MYH10: variants seen among roughly 807,000 people sequenced by gnomAD.
The protein encoded by MYH10 is myosin heavy chain 10.
MYH10 carries 55 observed loss-of-function variants against 257.8 expected under a neutral mutation model. The observed-to-expected ratio is 0.21, with a 90% CI of 0.17 to 0.27. The LOEUF is 0.27. MYH10 is among the 10% of genes least tolerant of loss of function. The probability of loss-of-function intolerance (pLI) is 1.00; values close to 1 mark genes in which losing one functional copy is unlikely to be tolerated. For missense variants in MYH10, 1,631 were observed against 2,500.6 expected, an observed-to-expected ratio of 0.65 and a Z score of 7.42; for synonymous variants, 854 against 921.7, an observed-to-expected ratio of 0.93 and a Z score of 1.33.
intron 24 of MYH10, 109 bp downstream of exon 24, chr17:8,512,342 C>A: frequency 2.4e-6 from 2 of 820,418 alleles, no homozygotes; most frequent in Non-Finnish European, 1.9e-6. Context: ...AACCCAGAAC[C>A]CTTTTGCTTC....
At chr17:8,508,450 T>C in intron 26 of MYH10, 104 bp downstream of exon 26, 1 of 1,488,788 alleles carries the variant, frequency 6.7e-7, no homozygotes, top group Non-Finnish European at 9.2e-7. Context: ...TCCTTATTAT[T>C]AGTAATCATC....
intron 17 of MYH10, among the ~76,000 whole-genome samples, chr17:8,526,452 G>A (rs2081849373): frequency 6.6e-6 from 1 of 152,152 alleles, no homozygotes; most frequent in African/African-American, 2.4e-5. Flanking sequence ...TCTTCTATCT[G>A]AGATGTCAGG....
chr17:8,493,927 T>C, intron 31 of MYH10, 42 bp from the exon 32 acceptor site: 1 of 1,572,522 alleles, frequency 6.4e-7, no homozygotes, highest in Admixed American at 1.9e-5. Flanking sequence ...ATTACATTTA[T>C]CACCAAAACA....
At chr17:8,526,810 G>A (rs956568878) in intron 17 of MYH10, among the ~76,000 whole-genome samples, 1 of 152,150 alleles carries the variant, frequency 6.6e-6, no homozygotes, top group Admixed American at 6.5e-5. Context: ...CAAAATACTA[G>A]TGTTACTAAA....
chr17:8,519,001 G>T, intron 19 of MYH10, 51 bp from the exon 20 acceptor site: 1 of 1,392,546 alleles, frequency 7.2e-7, no homozygotes, highest in Non-Finnish European at 1.0e-6. Context: ...TGAACGATGT[G>T]TATCTACTAA....
intron 36 of MYH10, among the ~76,000 whole-genome samples, chr17:8,484,514 G>A (rs1914428924): frequency 1.3e-5 from 2 of 152,156 alleles, no homozygotes; most frequent in South Asian, 4.1e-4. Flanking sequence ...ATATGGGAAT[G>A]ACAAGGATAT....
chr17:8,560,569 G>A, intron 7 of MYH10: 2 of 805,178 alleles, frequency 2.5e-6, no homozygotes, highest in Non-Finnish European at 4.0e-6. Context: ...TCCAAAAACA[G>A]TGGAAAACTT....
intron 2 of MYH10, among the ~76,000 whole-genome samples, chr17:8,607,841 G>A (rs1381319024): frequency 1.3e-5 from 2 of 152,042 alleles, no homozygotes; most frequent in Non-Finnish European, 2.9e-5. Flanking sequence ...AAGATGAACT[G>A]GTATTATAAA....
At chr17:8,626,795 T>C (rs1363643992) in intron 1 of MYH10, among the ~76,000 whole-genome samples, 1 of 152,028 alleles carries the variant, frequency 6.6e-6, no homozygotes, top group Non-Finnish European at 1.5e-5. Flanking sequence ...TCTTATCAGG[T>C]GTAAACTGCA....
intron 7 of MYH10, chr17:8,561,010 G>A (rs1244203949): frequency 1.9e-6 from 1 of 537,372 alleles, no homozygotes; most frequent in East Asian, 3.4e-5. Context: ...CATTCTTTCT[G>A]TAGCTCAGGA....
chr17:8,492,843 G>A lies in MYH10; in HGVS notation c.4391C>T (p.Thr1464Met), dbSNP rs539038765. ...CTGGCGCTGGTGGTCCAGGTCCACC[G>A]TGAGGTCGTCCAGCTCCTGCTGCAG... ...NRLQQELDDL[T>M]VDLDHQRQVA... Residue 1464 changes from threonine (T) to methionine (M), a missense_variant, in exon 33 of 43, where the codon ACG becomes ATG. Thr to Met is a moderately conservative substitution (Grantham distance 81). Around this residue, in one of 11 missense-constraint regions of MYH10, gnomAD observed 463 missense variants for 621.8 expected, o/e 0.74. Transcript: ENST00000360416. The A allele has an allele frequency of 1.2e-5, 19 of 1,614,018 alleles. No individual in the cohort carries two copies. Among genetic ancestry groups the A allele is most frequent in the Non-Finnish European group, 1.4e-5 (16 of 1,180,022 alleles).
chr17:8,592,334 GA>G (rs771264914), intron 3 of MYH10, among the ~76,000 whole-genome samples: 3 of 150,010 alleles, frequency 2.0e-5, no homozygotes, highest in African/African-American at 4.9e-5. Flanking sequence ...ACAGAAAAAA[GA>G]AAAAAAAATC....
intron 14 of MYH10, among the ~76,000 whole-genome samples, chr17:8,541,604 A>C (rs538372288): frequency 6.6e-6 from 1 of 152,258 alleles, no homozygotes; most frequent in Non-Finnish European, 1.5e-5. Flanking sequence ...GATGCTTTCT[A>C]AGATTGCCAC....
intron 24 of MYH10, 56 bp from the exon 25 acceptor site, chr17:8,510,005 C>G (rs966278520): frequency 1.0e-5 from 16 of 1,545,630 alleles, no homozygotes; most frequent in Non-Finnish European, 1.4e-5. Context: ...ACCACACATT[C>G]ATTGTGCACA....
At chr17:8,501,536 T>C (rs552186537) in intron 28 of MYH10, among the ~76,000 whole-genome samples, 1 of 152,118 alleles carries the variant, frequency 6.6e-6, no homozygotes, top group East Asian at 1.9e-4. Context: ...GCCAAATGAA[T>C]CAGGACGTTG....
At chr17:8,522,152 T>C (rs1032708115) in intron 17 of MYH10, among the ~76,000 whole-genome samples, 2 of 152,242 alleles carry the variant, frequency 1.3e-5, no homozygotes, top group African/African-American at 4.8e-5. Context: ...TCAAATACTT[T>C]AAAATCAATC....
chr17:8,560,132 C>T (rs892384536), intron 7 of MYH10, among the ~76,000 whole-genome samples: 1 of 152,166 alleles, frequency 6.6e-6, no homozygotes, highest in African/African-American at 2.4e-5. Flanking sequence ...GTATGTTTAA[C>T]TTCTTTATTA....
chr17:8,565,632 C>T (rs996250424), intron 7 of MYH10, among the ~76,000 whole-genome samples: 5 of 152,164 alleles, frequency 3.3e-5, no homozygotes, highest in African/African-American at 9.7e-5. Context: ...CTTTTTTCTA[C>T]TAAAAACAAA....
chr17:8,487,540 C>T lies in MYH10; in HGVS notation c.4939G>A (p.Val1647Ile). 5 of 1,614,222 alleles carry T rather than the reference C, an allele frequency of 3.1e-6. No homozygotes were observed. Among genetic ancestry groups the T allele is most frequent in the Non-Finnish European group, 4.2e-6 (5 of 1,180,052 alleles). ...EDERKQRALAVASKKKMEIDL... is the reference protein window; with the variant it reads ...EDERKQRALAIASKKKMEIDL... ...ATCTCCATCTTTTTCTTTGAAGCTACAGCAAGCGCCCGCTGTTTCCTCTCA... is the reference window on the plus strand; with the variant it reads ...ATCTCCATCTTTTTCTTTGAAGCTATAGCAAGCGCCCGCTGTTTCCTCTCA... The change falls in exon 36 of 43, where the codon GTA becomes ATA. Residue 1647 changes from valine to isoleucine, a missense_variant. Coordinates refer to ENST00000360416, the MANE Select transcript of MYH10 (RefSeq NM_001256012.3).
Sources: allele counts gnomAD v4.1 joint callset (sites outside exome capture counted in the v4.1 genomes callset), GRCh38; gene constraint gnomAD v4.1.1; regional missense constraint gnomAD v4.1.1; transcripts MANE v1.5; gene names NCBI Gene and HGNC (gene_info 2026-07-23, HGNC 2026-07-21).